SFMBT1: variants seen among roughly 807,000 people sequenced by gnomAD.
SFMBT1 encodes Scm like with four mbt domains 1.
Under a neutral mutation model 108.7 loss-of-function variants are expected in SFMBT1, and 32 were observed. The observed-to-expected ratio is 0.29, with a 90% CI of 0.22 to 0.40. The LOEUF is 0.40. SFMBT1 is among the 10% of genes least tolerant of loss of function. SFMBT1 has a pLI of 1.00. For missense variants in SFMBT1, 816 were observed against 1,059.6 expected, an observed-to-expected ratio of 0.77 and a Z score of 3.19; for synonymous variants, 348 against 369.5, an observed-to-expected ratio of 0.94 and a Z score of 0.67.
At chr3:53,035,659 C>T (rs1444669721) in intron 1 of SFMBT1, among the ~76,000 whole-genome samples, 1 of 152,096 alleles carries the variant, frequency 6.6e-6, no homozygotes, top group Non-Finnish European at 1.5e-5. Flanking sequence ...TGCAGTGGTG[C>T]CATCTCATCT....
chr3:53,005,865 C>G (rs1177106263), intron 1 of SFMBT1, among the ~76,000 whole-genome samples: 1 of 152,128 alleles, frequency 6.6e-6, no homozygotes, highest in African/African-American at 2.4e-5. Context: ...GGTGGACATG[C>G]ATGAAGGGGC....
chr3:52,939,911 C>G (rs1703129931), intron 4 of SFMBT1, among the ~76,000 whole-genome samples: 1 of 151,812 alleles, frequency 6.6e-6, no homozygotes, highest in Non-Finnish European at 1.5e-5. Flanking sequence ...CTTTTTTAAT[C>G]CTTTCATTTC....
Position 52,995,000 on chromosome 3 carries a change from C to T in SFMBT1, c.-130-25742G>A, listed in dbSNP as rs1187103047. ...TTTGAAAAAAATCTATTCACTGTAG[C>T]ATCAAGAAAGAAAGAAAGAAAGAAA... On this transcript the variant is annotated intron_variant, in intron 1 of 20. Transcript: ENST00000394752. Among the ~76,000 whole-genome samples the T allele has an allele frequency of 2.2e-5, 3 of 133,712 alleles. No homozygotes were observed. The Admixed American group carries it at 2.3e-4, about 10-fold the overall frequency. The allele number at this position is 133,712 out of a possible 152,430, so 87.7% of individuals were successfully genotyped here. A position where few individuals can be genotyped will look rare whatever the true frequency, so the allele number is the denominator to read the frequency against.
intron 2 of SFMBT1, among the ~76,000 whole-genome samples, chr3:52,956,227 C>G (rs1207989238): frequency 6.6e-6 from 1 of 152,108 alleles, no homozygotes; most frequent in Non-Finnish European, 1.5e-5. Flanking sequence ...TGTGGGAGAC[C>G]GCGGCAGGCA....
Position 52,906,983 on chromosome 3 carries a change from A to G in SFMBT1, c.2331+86T>C. On this transcript the variant is annotated intron_variant, in intron 19 of 20. Coordinates refer to ENST00000394752, the MANE Select transcript of SFMBT1 (RefSeq NM_016329.4). ...TACATAAGTCTGTATTGAAAGAAGT[A>G]GAATGTCAATATCACTAATAATCAT... The G allele has an allele frequency of 2.0e-6, 3 of 1,469,154 alleles. No homozygotes were observed. In the East Asian group the frequency reaches 6.8e-5, roughly 33 times the overall value. 91.0% of individuals were successfully genotyped at this position (1,469,154 alleles called of 1,614,324 possible).
At chr3:52,957,082 T>G (rs147191684) in intron 2 of SFMBT1, among the ~76,000 whole-genome samples, 1 of 152,262 alleles carries the variant, frequency 6.6e-6, no homozygotes, top group East Asian at 1.9e-4. Context: ...CCCCATCGCT[T>G]CAGCCCAAAA....
At chr3:52,941,306 G>A (rs901714051) in intron 4 of SFMBT1, among the ~76,000 whole-genome samples, 4 of 152,062 alleles carry the variant, frequency 2.6e-5, no homozygotes, top group African/African-American at 9.7e-5. Flanking sequence ...TTAAAAAAGA[G>A]TTATTGGCCA....
intron 1 of SFMBT1, among the ~76,000 whole-genome samples, chr3:53,018,494 G>A (rs1699198884): frequency 6.6e-6 from 1 of 152,072 alleles, no homozygotes; most frequent in Admixed American, 6.5e-5. Flanking sequence ...TACCATAACA[G>A]TCCCATAAGA....
At chr3:52,919,909 A>C (rs113316491) in intron 12 of SFMBT1, among the ~76,000 whole-genome samples, 113 of 152,316 alleles carry the variant, frequency 7.4e-4, no homozygotes, top group African/African-American at 2.7e-3. Context: ...CTTATCCACC[A>C]ATGTGCTGGT....
At chr3:52,920,509 A>G (rs1194975991) in intron 12 of SFMBT1, 28 bp downstream of exon 12, 1 of 1,526,968 alleles carries the variant, frequency 6.5e-7, no homozygotes, top group South Asian at 1.1e-5. Flanking sequence ...TTAACAATCA[A>G]TCCTCTAACC....
chr3:53,009,354 A>G (rs1466986735), intron 1 of SFMBT1, among the ~76,000 whole-genome samples: 1 of 152,126 alleles, frequency 6.6e-6, no homozygotes, highest in African/African-American at 2.4e-5. Flanking sequence ...AGGCTGAGGC[A>G]GGAGAATTGC....
chr3:53,012,900 T>TAC (rs1559549286), intron 1 of SFMBT1, among the ~76,000 whole-genome samples: 3 of 151,608 alleles, frequency 2.0e-5, no homozygotes, highest in African/African-American at 7.3e-5. Flanking sequence ...CAAATTAACA[T>TAC]ACACTGATTG....
intron 1 of SFMBT1, among the ~76,000 whole-genome samples, chr3:53,030,282 C>T (rs17052726): frequency 0.014 from 2,079 of 151,234 alleles, 55 homozygotes; most frequent in African/African-American, 0.048. Flanking sequence ...AATATGGATG[C>T]GGAAATATAT....
chr3:53,035,629 C>T (rs1699844760), intron 1 of SFMBT1, among the ~76,000 whole-genome samples: 1 of 152,182 alleles, frequency 6.6e-6, no homozygotes, highest in South Asian at 2.1e-4. Context: ...TGGAGTCTCA[C>T]TCTGTTGCCC....
chr3:53,011,311 G>C (rs1698935384), intron 1 of SFMBT1, among the ~76,000 whole-genome samples: 1 of 152,192 alleles, frequency 6.6e-6, no homozygotes, highest in South Asian at 2.1e-4. Context: ...GCTGGCATCA[G>C]GTCGGCAAGG....
intron 1 of SFMBT1, among the ~76,000 whole-genome samples, chr3:53,006,268 GAT>G (rs764605656): frequency 3.3e-5 from 5 of 152,184 alleles, no homozygotes; most frequent in African/African-American, 4.8e-5. Flanking sequence ...ATCAGAGACT[GAT>G]GTTCAGGACG....
At chr3:52,918,462 T>G in intron 13 of SFMBT1, 22 bp downstream of exon 13, 1 of 1,553,412 alleles carries the variant, frequency 6.4e-7, no homozygotes. Context: ...TTGTAAACTG[T>G]TCATATTATT....
At position 53,000,903 on chromosome 3, in the gene SFMBT1, T is replaced by C. The variant is rs1009011768; in HGVS notation, c.-130-31645A>G. Among the ~76,000 whole-genome samples the C allele has an allele frequency of 9.3e-5, 14 of 150,198 alleles. 1 individual carries two copies. The highest frequency in any genetic ancestry group is 1.2e-4 in the Non-Finnish European group (8 of 67,080). On this transcript the variant is annotated intron_variant, in intron 1 of 20. Coordinates refer to ENST00000394752, the MANE Select transcript of SFMBT1 (RefSeq NM_016329.4). Reference sequence around the variant, plus strand: ...AATAGGTGGTTAGGTAAATAAGTTATTGCAAATGCTTAAAATGAAAAAAAA... The same window carrying C: ...AATAGGTGGTTAGGTAAATAAGTTACTGCAAATGCTTAAAATGAAAAAAAA...
At chr3:53,037,752 T>G (rs1032523774) in intron 1 of SFMBT1, among the ~76,000 whole-genome samples, 7 of 152,058 alleles carry the variant, frequency 4.6e-5, no homozygotes, top group Non-Finnish European at 1.0e-4. Flanking sequence ...GGCTAGAGAA[T>G]CACTTGAGGC....
Sources: allele counts gnomAD v4.1 joint callset (sites outside exome capture counted in the v4.1 genomes callset), GRCh38; gene constraint gnomAD v4.1.1; transcripts MANE v1.5; gene names NCBI Gene and HGNC (gene_info 2026-07-23, HGNC 2026-07-21).